ABCG2: variants seen among roughly 807,000 people sequenced by gnomAD.
ABCG2 encodes the protein ATP binding cassette subfamily G member 2 (JR blood group).
Under a neutral mutation model 73.5 loss-of-function variants are expected in ABCG2, and 80 were observed. The observed-to-expected ratio is 1.09, with a 90% CI of 0.91 to 1.31. The LOEUF (loss-of-function observed/expected upper bound fraction) is 1.31. Among genes scored for constraint, ABCG2 ranks in the 50% most tolerant of loss-of-function variants. ABCG2 has a pLI of 0.00. For missense variants in ABCG2, 796 were observed against 786.2 expected, an observed-to-expected ratio of 1.01 and a Z score of -0.15; for synonymous variants, 269 against 282.4, an observed-to-expected ratio of 0.95 and a Z score of 0.48.
In ABCG2 at chr4:88,094,502, A is replaced by C. The variant is rs1007074712; in HGVS notation, c.1820+75T>G. The C allele has an allele frequency of 3.0e-6, 4 of 1,318,884 alleles. No individual in the cohort carries two copies. In the Admixed American group the frequency reaches 5.2e-5, roughly 17 times the overall value. 81.7% of individuals were successfully genotyped at this position (1,318,884 alleles called of 1,614,324 possible). ...AGTGCCCCTGGAAGGACTCATACAG[A>C]TCTAAGCCCAGTAGCCTTTATACAT... On this transcript the variant is annotated intron_variant, in intron 15 of 15. Transcript: ENST00000237612.
At chr4:88,112,480 T>A (rs1319749986) in intron 9 of ABCG2, among the ~76,000 whole-genome samples, 2 of 152,284 alleles carry the variant, frequency 1.3e-5, no homozygotes, top group African/African-American at 4.8e-5. Context: ...GCTTAAACTT[T>A]CCCCATAGTT....
chr4:88,230,781 G>C (rs1341876078), intron 1 of ABCG2, among the ~76,000 whole-genome samples: 1 of 152,156 alleles, frequency 6.6e-6, no homozygotes, highest in Non-Finnish European at 1.5e-5. Flanking sequence ...GGTCCATAGA[G>C]GTCAGCTGAG....
intron 1 of ABCG2, among the ~76,000 whole-genome samples, chr4:88,145,491 C>A (rs1488669925): frequency 6.6e-6 from 1 of 152,084 alleles, no homozygotes; most frequent in East Asian, 1.9e-4. Flanking sequence ...GCTCTAGGAC[C>A]CCACATCATG....
intron 1 of ABCG2, among the ~76,000 whole-genome samples, chr4:88,223,988 T>C (rs1410154958): frequency 6.6e-6 from 1 of 152,240 alleles, no homozygotes; most frequent in Non-Finnish European, 1.5e-5. Context: ...CATGTGCTTA[T>C]TAGCCATTTA....
rs2110164679 is a variant in ABCG2, at chr4:88,091,714, T to C, written c.*520A>G. 1 of 152,664 alleles carries C rather than the reference T, an allele frequency of 6.6e-6. No individual in the cohort carries two copies. The highest frequency in any genetic ancestry group is 3.4e-3 in the Middle Eastern group (1 of 294). The allele number at this position is 152,664 out of a possible 1,614,324, so 9.5% of individuals were successfully genotyped here. ...AGTTCTATTAACTTTAATGTGCTTA[T>C]CAAAAAGATTTTTTTTCTATCACGG... On this transcript the variant is annotated 3_prime_UTR_variant, in exon 16 of 16. Transcript: ENST00000237612.
chr4:88,140,562 C>T (rs964046578), intron 1 of ABCG2, among the ~76,000 whole-genome samples: 1 of 151,880 alleles, frequency 6.6e-6, no homozygotes, highest in Non-Finnish European at 1.5e-5. Flanking sequence ...GCAGAGGTTG[C>T]GGTGAGCAGA....
chr4:88,151,738 C>CA (rs879309343), intron 1 of ABCG2, among the ~76,000 whole-genome samples: 1,149 of 87,026 alleles, frequency 0.013, 16 homozygotes, highest in African/African-American at 0.041. Context: ...GACTCCATCT[C>CA]AAAAAAAAAA....
chr4:88,226,971 G>C (rs750036807), intron 1 of ABCG2: 4 of 152,216 alleles, frequency 2.6e-5, no homozygotes, highest in African/African-American at 4.8e-5. Flanking sequence ...AATTCGCTGT[G>C]TGTGGTGGTG....
chr4:88,198,507 T>C (rs10856870), intron 1 of ABCG2, among the ~76,000 whole-genome samples: 84,197 of 151,788 alleles, frequency 0.55, 24,266 homozygotes, highest in East Asian at 0.99. Context: ...GTGGTGCATG[T>C]CTGTAGTCCC....
At chr4:88,195,832 T>C (rs1213261849) in intron 1 of ABCG2, among the ~76,000 whole-genome samples, 2 of 152,130 alleles carry the variant, frequency 1.3e-5, no homozygotes, top group Admixed American at 6.5e-5. Context: ...GCACAGTGTG[T>C]TTACTGAAGT....
intron 1 of ABCG2, among the ~76,000 whole-genome samples, chr4:88,175,799 C>G (rs893168582): frequency 1.3e-5 from 2 of 152,136 alleles, no homozygotes; most frequent in Non-Finnish European, 2.9e-5. Flanking sequence ...AGATCTGAAA[C>G]CAACCATTTA....
At chr4:88,138,405 T>C (rs1214831327) in intron 2 of ABCG2, among the ~76,000 whole-genome samples, 1 of 152,198 alleles carries the variant, frequency 6.6e-6, no homozygotes, top group Non-Finnish European at 1.5e-5. Flanking sequence ...ACTGTTTTTA[T>C]CTTCTTCCCC....
In ABCG2 at chr4:88,184,412, G is replaced by A. The variant is rs72659679; in HGVS notation, c.-19-44398C>T. On this transcript the variant is annotated intron_variant, in intron 1 of 15. Coordinates refer to the ABCG2 transcript ENST00000515655. ...TCAGTAGCATTTCTATATGTCAGTA[G>A]CAAACAATCTAAAAAATCAAGAAAG... 4.1e-3 allele frequency among the ~76,000 whole-genome samples: 623 copies of A among 152,062 alleles called. 5 individuals are homozygous for A. The highest frequency in any genetic ancestry group is 0.01 in the Middle Eastern group (3 of 294).
At chr4:88,201,674 C>A (rs1335672913) in intron 1 of ABCG2, 1 of 152,124 alleles carries the variant, frequency 6.6e-6, no homozygotes, top group Non-Finnish European at 1.5e-5. Context: ...GTGGGCTTCA[C>A]CTGGGAGCTG....
chr4:88,180,341 T>C (rs770573161), intron 1 of ABCG2, among the ~76,000 whole-genome samples: 13 of 151,978 alleles, frequency 8.6e-5, no homozygotes, highest in Non-Finnish European at 1.5e-4. Flanking sequence ...CCTTCAAATA[T>C]GGAAAAATAA....
intron 1 of ABCG2, among the ~76,000 whole-genome samples, chr4:88,191,546 T>C (rs1728694690): frequency 6.6e-6 from 1 of 151,168 alleles, no homozygotes. Context: ...GAAAACAGTT[T>C]GGCAGTTTCT....
chr4:88,113,954 A>G (rs746475944), intron 8 of ABCG2, among the ~76,000 whole-genome samples: 1 of 151,430 alleles, frequency 6.6e-6, no homozygotes, highest in East Asian at 2.0e-4. Context: ...AGAGAGCAAG[A>G]CTCCATCTCA....
chr4:88,097,394 C>T, intron 13 of ABCG2, 59 bp downstream of exon 13: 1 of 1,583,138 alleles, frequency 6.3e-7, no homozygotes, highest in Non-Finnish European at 8.6e-7. Flanking sequence ...AGTGAATGTG[C>T]AGGAAGAAAT....
At chr4:88,177,990 T>A (rs1728078868) in intron 1 of ABCG2, among the ~76,000 whole-genome samples, 1 of 152,112 alleles carries the variant, frequency 6.6e-6, no homozygotes, top group South Asian at 2.1e-4. Context: ...AAAGGCAGAA[T>A]AGGCCACGAA....
Sources: allele counts gnomAD v4.1 joint callset (sites outside exome capture counted in the v4.1 genomes callset), GRCh38; gene constraint gnomAD v4.1.1; transcripts MANE v1.5; gene names NCBI Gene and HGNC (gene_info 2026-07-23, HGNC 2026-07-21).